ARPP19: variants seen among roughly 807,000 people sequenced by gnomAD.
The protein encoded by ARPP19 is cAMP regulated phosphoprotein 19.
A neutral mutation model predicts 12.0 loss-of-function variants in ARPP19; 8 were observed. The ratio of observed to expected loss-of-function variants is 0.67; its 90% CI spans 0.39 to 1.21. The LOEUF (loss-of-function observed/expected upper bound fraction) is 1.21, where lower values mean the gene tolerates loss of function less well. Ranked by LOEUF, ARPP19 falls within the 50% of genes most tolerant of loss-of-function variation. ARPP19 has a pLI of 0.01. For missense variants in ARPP19, 102 were observed against 136.3 expected (o/e 0.75, Z 1.25); for synonymous variants, 47 against 50.4 (o/e 0.93, Z 0.29).
At chr15:52,556,481 T>A (rs867119216) in intron 2 of ARPP19, among the ~76,000 whole-genome samples, 1 of 152,138 alleles carries the variant, frequency 6.6e-6, no homozygotes, top group African/African-American at 2.4e-5. Flanking sequence ...GAAAATAATA[T>A]CTTCAGTAAT....
intron 1 of ARPP19, among the ~76,000 whole-genome samples, chr15:52,558,755 A>AT (rs1486537887): frequency 6.6e-6 from 1 of 151,022 alleles, no homozygotes; most frequent in Non-Finnish European, 1.5e-5. Context: ...ATTTTGGCAT[A>AT]TATTTCACTC....
rs1295886767 is a variant in ARPP19, at chr15:52,548,805, G to A, written c.*3129C>T. On this transcript the variant is annotated 3_prime_UTR_variant, in exon 3 of 3. Transcript: ENST00000249822. ...TTACTAATTTGGATTAAGAACACAA[G>A]CCTGATTTAGTAAAAAGTATCCATA... 1.3e-5 allele frequency: 2 copies of A among 152,604 alleles called. No individual in the cohort carries two copies. Among genetic ancestry groups the A allele is most frequent in the African/African-American group, 4.8e-5 (2 of 41,446 alleles). 9.5% of individuals were successfully genotyped at this position (152,604 alleles called of 1,614,324 possible). A position where few individuals can be genotyped will look rare whatever the true frequency, so the allele number is the denominator to read the frequency against.
At chr15:52,568,754 C>A (rs913051008) in intron 1 of ARPP19, 94 bp downstream of exon 1, 2 of 847,060 alleles carry the variant, frequency 2.4e-6, no homozygotes, top group Non-Finnish European at 3.5e-6. Flanking sequence ...GCCTCGGCCC[C>A]GCATCTCGGG....
At chr15:52,562,677 G>A (rs912001398) in intron 1 of ARPP19, among the ~76,000 whole-genome samples, 1 of 151,832 alleles carries the variant, frequency 6.6e-6, no homozygotes, top group Non-Finnish European at 1.5e-5. Context: ...AACTTGTCAG[G>A]TATAGCAAGT....
chr15:52,560,890 C>T (rs754350146), intron 1 of ARPP19, among the ~76,000 whole-genome samples: 2 of 152,132 alleles, frequency 1.3e-5, no homozygotes, highest in African/African-American at 2.4e-5. Context: ...AGCAGCTACA[C>T]GACAAGGGAG....
chr15:52,556,905 G>T, intron 2 of ARPP19, 195 bp downstream of exon 2: 1 of 478,764 alleles, frequency 2.1e-6, no homozygotes, highest in Non-Finnish European at 3.6e-6. Context: ...TATTAAAAAT[G>T]CTGAAGAGTT....
chr15:52,568,235 A>ATCGAC (rs1183101101), intron 1 of ARPP19: 2 of 152,258 alleles, frequency 1.3e-5, no homozygotes, highest in African/African-American at 4.8e-5. Flanking sequence ...TTTGAGTCCC[A>ATCGAC]TCGACTGAAA....
At chr15:52,552,934 G>A (rs999909442) in intron 2 of ARPP19, among the ~76,000 whole-genome samples, 2 of 151,944 alleles carry the variant, frequency 1.3e-5, no homozygotes, top group African/African-American at 4.8e-5. Flanking sequence ...AAAATTAGTC[G>A]GTTGTGGTGG....
chr15:52,557,933 T>C (rs190687154), intron 1 of ARPP19, among the ~76,000 whole-genome samples: 212 of 152,204 alleles, frequency 1.4e-3, no homozygotes, highest in South Asian at 7.7e-3. Context: ...CACATCTATG[T>C]ATATCATTGC....
chr15:52,565,912 T>G lies in ARPP19; in HGVS notation c.45+2936A>C, dbSNP rs555373078. Among the ~76,000 whole-genome samples, 17 of 152,324 alleles carry G rather than the reference T, an allele frequency of 1.1e-4. No individual in the cohort carries two copies. The South Asian group carries it at 2.5e-3, about 22-fold the overall frequency. ...CTCTGTTGCCCAGGCTAGAGTGCAG[T>G]GGCACGATCTCGGCTAACTGCACCC... is the stretch of plus-strand genomic sequence containing the variant. On this transcript the variant is annotated intron_variant, in intron 1 of 2. Transcript: ENST00000249822.
chr15:52,556,476 T>C (rs1050989354), intron 2 of ARPP19, among the ~76,000 whole-genome samples: 1 of 152,082 alleles, frequency 6.6e-6, no homozygotes, highest in Non-Finnish European at 1.5e-5. Flanking sequence ...AATTTGAAAA[T>C]AATATCTTCA....
intron 1 of ARPP19, among the ~76,000 whole-genome samples, chr15:52,560,828 C>A (rs1411085600): frequency 1.3e-5 from 2 of 152,200 alleles, no homozygotes; most frequent in African/African-American, 4.8e-5. Flanking sequence ...ACAGCAGTCG[C>A]CCCTGTGAGC....
chr15:52,557,066 C>T (rs376543140), intron 2 of ARPP19, 34 bp downstream of exon 2: 4 of 1,607,592 alleles, frequency 2.5e-6, no homozygotes, highest in Middle Eastern at 2.3e-4. Context: ...GTTTGTAGGG[C>T]TTAAGTATTT....
chr15:52,569,307 A>C, upstream of ARPP19: 5 of 228,008 alleles, frequency 2.2e-5, no homozygotes, highest in Non-Finnish European at 3.4e-5. Flanking sequence ...GCTTTATTTT[A>C]CTCTTTCCAC....
chr15:52,559,995 C>T (rs1006623477), intron 1 of ARPP19, among the ~76,000 whole-genome samples: 3 of 152,220 alleles, frequency 2.0e-5, no homozygotes, highest in Admixed American at 6.5e-5. Flanking sequence ...GAGCTCTCCA[C>T]TTCTTCCTTT....
rs1361239241 is a variant in ARPP19 at position 52,548,576 on chromosome 15, A to G, written c.*3358T>C. ...CTGCTCTGTCCTGCCTGGGATGTGA[A>G]TCACCCCTTTGTCCTGCTTATCCAC... On this transcript the variant is annotated 3_prime_UTR_variant, in exon 3 of 3. Coordinates refer to ENST00000249822, the MANE Select transcript of ARPP19 (RefSeq NM_006628.6). 6.6e-6 allele frequency: 1 copy of G among 152,532 alleles called. No individual in the cohort carries two copies. Among genetic ancestry groups the G allele is most frequent in the Non-Finnish European group, 1.5e-5 (1 of 68,080 alleles). The allele number at this position is 152,532 out of a possible 1,614,324, so 9.4% of individuals were successfully genotyped here.
intron 2 of ARPP19, 73 bp from the exon 3 acceptor site, chr15:52,552,177 T>A: frequency 1.2e-6 from 1 of 822,968 alleles, no homozygotes; most frequent in Admixed American, 2.0e-5. Context: ...TGCAACCCCA[T>A]ACTGTCCGTA....
rs1430063503 is a variant in ARPP19, at chr15:52,548,637, C to T, written c.*3297G>A. 2 of 152,332 alleles carry T rather than the reference C, an allele frequency of 1.3e-5. No individual in the cohort carries two copies. Among genetic ancestry groups the T allele is most frequent in the Non-Finnish European group, 2.9e-5 (2 of 68,192 alleles). The allele number at this position is 152,332 out of a possible 1,614,324, so 9.4% of individuals were successfully genotyped here. ...ACCTGCCCCTTAGTCACTTAGTAGC[C>T]GCCTTGGTTGTCAGACTGAAAAAAC... On this transcript the variant is annotated 3_prime_UTR_variant, in exon 3 of 3. Transcript: ENST00000249822.
chr15:52,568,484 T>C (rs994857112), intron 1 of ARPP19: 1 of 210,178 alleles, frequency 4.8e-6, no homozygotes. Flanking sequence ...ATACAAGTAG[T>C]TGGAGAGTTC....
Sources: allele counts gnomAD v4.1 joint callset (sites outside exome capture counted in the v4.1 genomes callset), GRCh38; gene constraint gnomAD v4.1.1; transcripts MANE v1.5; gene names NCBI Gene and HGNC (gene_info 2026-07-23, HGNC 2026-07-21).